PLXNA4: variants seen among roughly 807,000 people sequenced by gnomAD.
PLXNA4 encodes the protein plexin A4, also known as plexin-A4.
Under a neutral mutation model 191.8 loss-of-function variants are expected in PLXNA4, and 44 were observed. That is an observed-to-expected ratio of 0.23 (90% CI 0.18 to 0.29). PLXNA4 has a LOEUF of 0.29. Among genes scored for constraint, PLXNA4 ranks in the 10% least tolerant of loss-of-function variants. The pLI, the probability that PLXNA4 is intolerant of heterozygous loss-of-function variation, is 1.00. For synonymous variants in PLXNA4, 1,082 were observed against 1,009.5 expected, an observed-to-expected ratio of 1.07 and a Z score of -1.36; for missense variants, 1,800 against 2,488.8, an observed-to-expected ratio of 0.72 and a Z score of 5.89.
At chr7:132,563,200 T>TGC (rs1801411188) in intron 1 of PLXNA4, among the ~76,000 whole-genome samples, 1 of 22,942 alleles carries the variant, frequency 4.4e-5, no homozygotes, top group African/African-American at 1.3e-4. Context: ...CCTCCTCCTC[T>TGC]TCCTCCTCCT....
intron 3 of PLXNA4, among the ~76,000 whole-genome samples, chr7:132,332,825 A>G (rs1253021213): frequency 6.6e-6 from 1 of 150,886 alleles, no homozygotes; most frequent in Non-Finnish European, 1.5e-5. Flanking sequence ...ATGCCACTGT[A>G]CTCCAACATG....
Position 132,607,510 on chromosome 7 carries a change from C to T in PLXNA4, c.-87+38418G>A, listed in dbSNP as rs778452507. 3.9e-5 allele frequency among the ~76,000 whole-genome samples: 6 copies of T among 152,178 alleles called. No homozygotes were observed. The South Asian group carries it at 6.2e-4, about 16-fold the overall frequency. Reference sequence around the variant, plus strand: ...GATTGAGAGATGGATAGTTCTGAAACGTAATAACAAGGCTAAAGGGATTGG... The same window carrying T: ...GATTGAGAGATGGATAGTTCTGAAATGTAATAACAAGGCTAAAGGGATTGG... On this transcript the variant is annotated intron_variant, in intron 2 of 4. Transcript: ENST00000378539.
chr7:132,160,293 T>C (rs1391339278), intron 24 of PLXNA4, among the ~76,000 whole-genome samples: 1 of 152,182 alleles, frequency 6.6e-6, no homozygotes. Flanking sequence ...ACACCTGAGA[T>C]TCTTTCGTGG....
intron 2 of PLXNA4, among the ~76,000 whole-genome samples, chr7:132,492,522 C>G (rs1393925640): frequency 6.6e-6 from 1 of 152,200 alleles, no homozygotes; most frequent in African/African-American, 2.4e-5. Context: ...TGGCTTCTCT[C>G]TCTCTGAATG....
chr7:132,503,955 AG>A (rs747843115), intron 2 of PLXNA4, among the ~76,000 whole-genome samples: 6 of 152,208 alleles, frequency 3.9e-5, no homozygotes, highest in Admixed American at 6.5e-5. Context: ...TGAAGGCGGA[AG>A]CTGCTGTTCC....
intron 25 of PLXNA4, among the ~76,000 whole-genome samples, chr7:132,150,017 G>C (rs537063988): frequency 1.3e-5 from 2 of 152,266 alleles, no homozygotes; most frequent in East Asian, 3.9e-4. Context: ...CCAGTCCCTG[G>C]GGCTTCCCTG....
chr7:132,363,343 C>T (rs1804023486), intron 3 of PLXNA4, among the ~76,000 whole-genome samples: 1 of 152,194 alleles, frequency 6.6e-6, no homozygotes, highest in African/African-American at 2.4e-5. Context: ...AACAACTCCC[C>T]ATTCTTCCCT....
chr7:132,434,526 G>C (rs912521426), intron 3 of PLXNA4, among the ~76,000 whole-genome samples: 2 of 152,200 alleles, frequency 1.3e-5, no homozygotes, highest in Non-Finnish European at 2.9e-5. Flanking sequence ...AAGTCATGCT[G>C]TTTCAAGTCT....
At chr7:132,544,256 C>T (rs1800200672) in intron 1 of PLXNA4, among the ~76,000 whole-genome samples, 1 of 152,172 alleles carries the variant, frequency 6.6e-6, no homozygotes, top group Non-Finnish European at 1.5e-5. Flanking sequence ...ACTCTCCAAC[C>T]CAAAACCCTC....
At chr7:132,365,372 C>CGT (rs1554424582) in intron 3 of PLXNA4, among the ~76,000 whole-genome samples, 1 of 145,786 alleles carries the variant, frequency 6.9e-6, no homozygotes, top group East Asian at 2.0e-4. Context: ...CGTGCGCGCG[C>CGT]ATGCATGGGG....
chr7:132,367,489 A>AG (rs1000493028), intron 3 of PLXNA4, among the ~76,000 whole-genome samples: 3 of 118,748 alleles, frequency 2.5e-5, no homozygotes, highest in East Asian at 2.7e-4. Context: ...GGAAGAAGAA[A>AG]GGGGGGGTGA....
intron 1 of PLXNA4, among the ~76,000 whole-genome samples, chr7:132,557,513 T>C (rs190075755): frequency 6.8e-6 from 1 of 147,172 alleles, no homozygotes; most frequent in Admixed American, 7.0e-5. Context: ...AAAATCTCTT[T>C]ATTTCCTTGA....
chr7:132,261,772 C>T (rs1037805363), intron 4 of PLXNA4, among the ~76,000 whole-genome samples: 9 of 152,234 alleles, frequency 5.9e-5, no homozygotes, highest in Non-Finnish European at 1.2e-4. Context: ...AGCAGCCACT[C>T]TGCCCTAGTG....
intron 1 of PLXNA4, among the ~76,000 whole-genome samples, chr7:132,526,940 G>C (rs1004014690): frequency 6.6e-6 from 1 of 152,176 alleles, no homozygotes; most frequent in Non-Finnish European, 1.5e-5. Flanking sequence ...CACTCTACAA[G>C]AGACACTGAT....
rs113788782 is a variant in PLXNA4 at position 132,289,839 on chromosome 7, T to A, written c.1503+8252A>T. On this transcript the variant is annotated intron_variant, in intron 4 of 31. Coordinates refer to ENST00000321063, the MANE Select transcript of PLXNA4 (RefSeq NM_020911.2). ...TGAGCCACAGTGCCCAGCTAATTAA[T>A]TTTTTTTTTTTTTAGAGATAGGGTC... Among the ~76,000 whole-genome samples the A allele has an allele frequency of 1.9e-3, 175 of 89,846 alleles. 1 individual carries two copies. Among genetic ancestry groups the A allele is most frequent in the African/African-American group, 0.01 (172 of 17,080 alleles). 58.9% of individuals were successfully genotyped at this position (89,846 alleles called of 152,430 possible).
chr7:132,364,213 G>A (rs529255709), intron 3 of PLXNA4, among the ~76,000 whole-genome samples: 1 of 152,326 alleles, frequency 6.6e-6, no homozygotes, highest in Admixed American at 6.5e-5. Flanking sequence ...ATGGTGGGAG[G>A]AAGCCATTCA....
At chr7:132,534,967 G>A (rs905598166) in intron 1 of PLXNA4, among the ~76,000 whole-genome samples, 2 of 152,168 alleles carry the variant, frequency 1.3e-5, no homozygotes, top group Non-Finnish European at 2.9e-5. Context: ...CAATAATCCA[G>A]TGTTTTAAAA....
intron 3 of PLXNA4, among the ~76,000 whole-genome samples, chr7:132,340,595 G>A (rs1802990118): frequency 1.3e-5 from 2 of 152,174 alleles, no homozygotes; most frequent in Admixed American, 1.3e-4. Flanking sequence ...ATGGAGAAGG[G>A]GAGGACACAA....
intron 3 of PLXNA4, among the ~76,000 whole-genome samples, chr7:132,478,158 G>A (rs1797202960): frequency 1.3e-5 from 2 of 152,110 alleles, no homozygotes; most frequent in South Asian, 2.1e-4. Flanking sequence ...GGCCCACCTA[G>A]GGCATAAGCC....
Sources: gnomAD v4.1 joint callset for allele counts (sites outside exome capture counted in the v4.1 genomes callset) on GRCh38, gnomAD v4.1.1 for gene constraint, MANE v1.5 for transcripts, NCBI Gene and HGNC (gene_info 2026-07-23, HGNC 2026-07-21) for gene names.